Variants in TTBK2 observed in about 807,000 individuals in gnomAD.
TTBK2 encodes the protein tau-tubulin kinase 2.
In TTBK2, 28 loss-of-function variants were observed where a neutral mutation model predicts 110.8. That is an observed-to-expected ratio of 0.25 (90% CI 0.19 to 0.35). The LOEUF (loss-of-function observed/expected upper bound fraction) is 0.35, where lower values mean the gene tolerates loss of function less well. Among genes scored for constraint, TTBK2 ranks in the 10% least tolerant of loss-of-function variants. The pLI, the probability that TTBK2 is intolerant of heterozygous loss-of-function variation, is 1.00. For missense variants in TTBK2, 1,369 were observed against 1,500.3 expected (o/e 0.91, Z 1.45); for synonymous variants, 532 against 527.3 (o/e 1.01, Z -0.12).
intron 13 of TTBK2, among the ~76,000 whole-genome samples, chr15:42,763,080 A>C (rs1266317256): frequency 8.1e-6 from 1 of 122,706 alleles, no homozygotes; most frequent in Non-Finnish European, 1.6e-5. Flanking sequence ...TACAGTTAAC[A>C]ATTTTATATA....
At chr15:42,816,485 C>T (rs2140945803) in intron 7 of TTBK2, among the ~76,000 whole-genome samples, 1 of 152,120 alleles carries the variant, frequency 6.6e-6, no homozygotes. Context: ...ATTTTATTTT[C>T]CAAGCAGCTG....
intron 3 of TTBK2, among the ~76,000 whole-genome samples, chr15:42,843,078 A>G (rs1893297158): frequency 2.0e-5 from 3 of 152,178 alleles, no homozygotes; most frequent in South Asian, 4.1e-4. Flanking sequence ...ATGTACAGGG[A>G]CCGTATCTAT....
chr15:42,817,417 G>A (rs763954506), intron 6 of TTBK2, among the ~76,000 whole-genome samples: 10 of 151,810 alleles, frequency 6.6e-5, no homozygotes, highest in East Asian at 1.9e-4. Flanking sequence ...ACCCATAATC[G>A]TGGTAAGTAT....
At chr15:42,748,508 C>G (rs1224404263) in intron 14 of TTBK2, among the ~76,000 whole-genome samples, 2 of 151,948 alleles carry the variant, frequency 1.3e-5, no homozygotes, top group Non-Finnish European at 2.9e-5. Flanking sequence ...TGAAGACAGA[C>G]AACAACTCAT....
intron 3 of TTBK2, among the ~76,000 whole-genome samples, chr15:42,853,100 AG>A (rs2141054570): frequency 6.6e-6 from 1 of 152,344 alleles, no homozygotes; most frequent in East Asian, 1.9e-4. Flanking sequence ...TTGCAGCAGT[AG>A]CTGGAGACTT....
intron 3 of TTBK2, among the ~76,000 whole-genome samples, chr15:42,850,243 G>C (rs921432962): frequency 6.6e-6 from 1 of 152,258 alleles, no homozygotes; most frequent in Middle Eastern, 3.4e-3. Context: ...TGCTTTCTCT[G>C]GGCATTAGGA....
chr15:42,891,439 G>C (rs902491431), intron 1 of TTBK2, among the ~76,000 whole-genome samples: 1 of 151,890 alleles, frequency 6.6e-6, no homozygotes, highest in South Asian at 2.1e-4. Flanking sequence ...CTCCTAAAGT[G>C]CTGGGATTAC....
chr15:42,894,684 G>C (rs1331160085), intron 1 of TTBK2, among the ~76,000 whole-genome samples: 1 of 152,168 alleles, frequency 6.6e-6, no homozygotes, highest in East Asian at 1.9e-4. Flanking sequence ...GCCCAGGAAA[G>C]TCAAGGTTGC....
At chr15:42,891,462 C>T (rs527557888) in intron 1 of TTBK2, among the ~76,000 whole-genome samples, 1 of 152,120 alleles carries the variant, frequency 6.6e-6, no homozygotes, top group East Asian at 1.9e-4. Context: ...GCATGAGCCA[C>T]TGTGCCCAGC....
In TTBK2 at chr15:42,751,963, C is replaced by T. The variant is rs1405611929; in HGVS notation, c.3272+11G>A. ...TTACACACTTAACACAGGGAGAGCA[C>T]ACAGCATTACCTGGCTTCTACTCCA... On this transcript the variant is annotated intron_variant, in intron 14 of 14. Transcript: ENST00000267890. The T allele has an allele frequency of 1.2e-6, 2 of 1,613,936 alleles. No individual in the cohort carries two copies. Among genetic ancestry groups the T allele is most frequent in the African/African-American group, 2.7e-5 (2 of 74,908 alleles).
chr15:42,878,940 A>C (rs1323288969), intron 1 of TTBK2, among the ~76,000 whole-genome samples: 1 of 152,166 alleles, frequency 6.6e-6, no homozygotes, highest in Non-Finnish European at 1.5e-5. Flanking sequence ...AATAACTGAG[A>C]TTGTTAGATT....
intron 3 of TTBK2, among the ~76,000 whole-genome samples, chr15:42,850,284 A>G (rs1893644356): frequency 6.6e-6 from 1 of 152,212 alleles, no homozygotes; most frequent in Non-Finnish European, 1.5e-5. Context: ...AGTCAGAACT[A>G]GAAGACTTCT....
At chr15:42,918,708 T>C (rs916408086) in intron 1 of TTBK2, among the ~76,000 whole-genome samples, 5 of 152,176 alleles carry the variant, frequency 3.3e-5, no homozygotes, top group African/African-American at 1.2e-4. Flanking sequence ...TTAAAGATAC[T>C]TGAAGCCCCA....
intron 6 of TTBK2, among the ~76,000 whole-genome samples, chr15:42,823,773 T>C (rs1341286550): frequency 6.6e-6 from 1 of 151,800 alleles, no homozygotes; most frequent in Non-Finnish European, 1.5e-5. Flanking sequence ...CTATTGTTAG[T>C]ATATTTTATG....
chr15:42,829,709 T>C (rs1892672913), intron 5 of TTBK2, among the ~76,000 whole-genome samples: 1 of 152,186 alleles, frequency 6.6e-6, no homozygotes, highest in Non-Finnish European at 1.5e-5. Context: ...TCAGTTTTTA[T>C]TTTCACTGTA....
At chr15:42,915,005 C>T (rs1406276316) in intron 1 of TTBK2, among the ~76,000 whole-genome samples, 3 of 152,182 alleles carry the variant, frequency 2.0e-5, no homozygotes, top group African/African-American at 7.2e-5. Flanking sequence ...TCTCCAACCC[C>T]TAGCACAGTA....
At chr15:42,825,838 T>C (rs992488855) in intron 6 of TTBK2, among the ~76,000 whole-genome samples, 1 of 152,160 alleles carries the variant, frequency 6.6e-6, no homozygotes. Context: ...AGAACATTGC[T>C]ATCATCATAG....
intron 12 of TTBK2, 42 bp downstream of exon 12, chr15:42,776,989 G>A: frequency 2.6e-6 from 4 of 1,556,948 alleles, no homozygotes; most frequent in Non-Finnish European, 2.7e-6. Context: ...AATAATAATG[G>A]TACCTTAGAA....
rs987302563 is a variant in TTBK2 at position 42,752,490 on chromosome 15, C to T, written c.2756G>A (p.Cys919Tyr). ...GGCACCATGTTCATTCTCTGAAACA[C>T]AATGAAATAGTTCTCCATTTCTAGG... ...ITPRNGELFH[C>Y]VSENEHGAPT... The change falls in exon 14 of 15, where the codon TGT (cysteine) becomes TAT (tyrosine). Residue 919 changes from cysteine to tyrosine, a missense_variant. By Grantham distance (194) the Cys-to-Tyr change is radical (BLOSUM62 -2). This residue lies in a region of TTBK2 where 1,097 missense variants were observed against 1,114.7 expected (regional missense o/e 0.98). Coordinates refer to ENST00000267890, the MANE Select transcript of TTBK2 (RefSeq NM_173500.4). 1 of 1,614,200 alleles carries T rather than the reference C, an allele frequency of 6.2e-7. No homozygotes were observed. The highest frequency in any genetic ancestry group is 8.5e-7 in the Non-Finnish European group (1 of 1,180,036).
Sources: allele counts gnomAD v4.1 joint callset (sites outside exome capture counted in the v4.1 genomes callset), GRCh38; gene constraint gnomAD v4.1.1; regional missense constraint gnomAD v4.1.1; transcripts MANE v1.5; gene names NCBI Gene and HGNC (gene_info 2026-07-23, HGNC 2026-07-21).